The following FCHSD2 variants were observed in gnomAD, a reference collection of about 807,000 sequenced individuals.
FCHSD2 encodes the protein F-BAR and double SH3 domains protein 2.
In FCHSD2, 38 loss-of-function variants were observed where a neutral mutation model predicts 108.1. That is an observed-to-expected ratio of 0.35 (90% CI 0.27 to 0.46). The LOEUF (loss-of-function observed/expected upper bound fraction) is 0.46, where lower values mean the gene tolerates loss of function less well. Ranked by LOEUF, FCHSD2 falls within the 20% of genes least tolerant of loss-of-function variation. The pLI, the probability that FCHSD2 is intolerant of heterozygous loss-of-function variation, is 1.00. For missense variants in FCHSD2, 751 were observed against 897.8 expected, an observed-to-expected ratio of 0.84 and a Z score of 2.09; for synonymous variants, 279 against 314.7, an observed-to-expected ratio of 0.89 and a Z score of 1.20.
chr11:73,117,962 A>C (rs182064182), intron 2 of FCHSD2, among the ~76,000 whole-genome samples: 1 of 152,338 alleles, frequency 6.6e-6, no homozygotes, highest in East Asian at 1.9e-4. Context: ...CACACATATT[A>C]TATATACATT....
intron 12 of FCHSD2, among the ~76,000 whole-genome samples, chr11:72,874,635 C>T (rs571990935): frequency 3.3e-5 from 5 of 152,326 alleles, no homozygotes; most frequent in Non-Finnish European, 5.9e-5. Flanking sequence ...ATTCTATTTT[C>T]TCAAAGCAGT....
At chr11:73,025,775 A>C (rs1858213741) in intron 3 of FCHSD2, among the ~76,000 whole-genome samples, 1 of 152,140 alleles carries the variant, frequency 6.6e-6, no homozygotes, top group African/African-American at 2.4e-5. Context: ...ATGACTAAGA[A>C]TTTTTTTAAA....
chr11:73,052,475 T>C (rs1457898350), intron 3 of FCHSD2, among the ~76,000 whole-genome samples: 1 of 152,156 alleles, frequency 6.6e-6, no homozygotes, highest in Non-Finnish European at 1.5e-5. Flanking sequence ...AATTGTGAAT[T>C]ACTTAAAGGC....
intron 3 of FCHSD2, among the ~76,000 whole-genome samples, chr11:73,056,940 G>A (rs536183104): frequency 1.3e-5 from 2 of 152,066 alleles, no homozygotes; most frequent in African/African-American, 4.8e-5. Context: ...AAAATTAGCC[G>A]GGCATGGTGG....
intron 8 of FCHSD2, among the ~76,000 whole-genome samples, chr11:72,924,129 T>A (rs930009183): frequency 1.1e-4 from 16 of 152,244 alleles, no homozygotes; most frequent in Non-Finnish European, 1.9e-4. Context: ...AAAAAAGTGA[T>A]AAGGTCTTGT....
chr11:73,028,117 C>T (rs116356495), intron 3 of FCHSD2, among the ~76,000 whole-genome samples: 1 of 152,178 alleles, frequency 6.6e-6, no homozygotes, highest in African/African-American at 2.4e-5. Context: ...GCACTGCCTA[C>T]TGGAGGGGTG....
At chr11:72,909,836 C>G (rs1855719226) in intron 9 of FCHSD2, among the ~76,000 whole-genome samples, 1 of 146,374 alleles carries the variant, frequency 6.8e-6, no homozygotes, top group African/African-American at 2.5e-5. Flanking sequence ...CTCTGCCCGG[C>G]AGCCGCCCCA....
chr11:72,912,551 T>C (rs1855785068), intron 9 of FCHSD2, among the ~76,000 whole-genome samples: 1 of 152,196 alleles, frequency 6.6e-6, no homozygotes, highest in Non-Finnish European at 1.5e-5. Flanking sequence ...ATTTTTGCAT[T>C]AATGTTCATC....
intron 13 of FCHSD2, among the ~76,000 whole-genome samples, chr11:72,858,191 C>A (rs1861475002): frequency 6.6e-6 from 1 of 152,320 alleles, no homozygotes; most frequent in Admixed American, 6.5e-5. Context: ...CTAATAGAAT[C>A]TCTCAACTCC....
chr11:73,006,401 T>G (rs751421751), intron 4 of FCHSD2, among the ~76,000 whole-genome samples: 2 of 152,238 alleles, frequency 1.3e-5, no homozygotes, highest in Non-Finnish European at 2.9e-5. Context: ...CTTCTAGTAG[T>G]TGGCTCAAAC....
chr11:73,128,928 G>A (rs542101962), intron 2 of FCHSD2, among the ~76,000 whole-genome samples: 1 of 152,160 alleles, frequency 6.6e-6, no homozygotes, highest in Non-Finnish European at 1.5e-5. Flanking sequence ...CTGGAGTGTA[G>A]TGGTGTGATC....
Position 73,142,060 on chromosome 11 carries a change from C to A in FCHSD2, c.-183G>T. 1.7e-6 allele frequency: 1 copy of A among 580,214 alleles called. No homozygotes were observed. Among genetic ancestry groups the A allele is most frequent in the Non-Finnish European group, 3.0e-6 (1 of 333,108 alleles). 35.9% of individuals were successfully genotyped at this position (580,214 alleles called of 1,614,324 possible). A position where few individuals can be genotyped will look rare whatever the true frequency, so the allele number is the denominator to read the frequency against. Reference sequence around the variant, plus strand: ...CGGCAGGCGGACCCCAGCCAGAGAGCGAGTGTGAGGAGACGAGGGAGGAGC... The same window carrying A: ...CGGCAGGCGGACCCCAGCCAGAGAGAGAGTGTGAGGAGACGAGGGAGGAGC... On this transcript the variant is annotated 5_prime_UTR_variant, in exon 1 of 20. Coordinates refer to ENST00000409418, the MANE Select transcript of FCHSD2 (RefSeq NM_014824.3).
chr11:72,842,569 G>C, intron 17 of FCHSD2, 52 bp downstream of exon 17: 1 of 1,608,344 alleles, frequency 6.2e-7, no homozygotes. Flanking sequence ...GACCCTTTGG[G>C]AGCAATTTTC....
chr11:73,031,446 G>A (rs1468423963), intron 3 of FCHSD2, among the ~76,000 whole-genome samples: 1 of 152,018 alleles, frequency 6.6e-6, no homozygotes, highest in Non-Finnish European at 1.5e-5. Context: ...ACTCCAGCCT[G>A]GGTGACAGAA....
intron 8 of FCHSD2, among the ~76,000 whole-genome samples, chr11:72,944,856 C>A (rs1195348994): frequency 6.6e-6 from 1 of 152,096 alleles, no homozygotes; most frequent in Non-Finnish European, 1.5e-5. Context: ...ATGTGAAGGA[C>A]CTCTTCAAGG....
chr11:73,091,165 T>C (rs781457259), intron 2 of FCHSD2, among the ~76,000 whole-genome samples: 3 of 152,250 alleles, frequency 2.0e-5, no homozygotes, highest in African/African-American at 4.8e-5. Context: ...CATTCATTTA[T>C]TGATAGACAT....
At chr11:73,104,809 C>T (rs564696286) in intron 2 of FCHSD2, among the ~76,000 whole-genome samples, 4 of 152,256 alleles carry the variant, frequency 2.6e-5, no homozygotes, top group East Asian at 3.9e-4. Context: ...CTCAGTGATC[C>T]GGCCTCCCAA....
At chr11:72,995,734 T>C (rs1857508628) in intron 5 of FCHSD2, among the ~76,000 whole-genome samples, 1 of 148,086 alleles carries the variant, frequency 6.8e-6, no homozygotes, top group Non-Finnish European at 1.5e-5. Context: ...AGGAAGAAGT[T>C]AAAAGTATAG....
intron 13 of FCHSD2, among the ~76,000 whole-genome samples, chr11:72,850,263 C>G (rs146834357): frequency 6.6e-6 from 1 of 152,076 alleles, no homozygotes; most frequent in East Asian, 1.9e-4. Context: ...TGGGGTTTCA[C>G]CATGTTGGCC....
Sources: allele counts gnomAD v4.1 joint callset (sites outside exome capture counted in the v4.1 genomes callset), GRCh38; gene constraint gnomAD v4.1.1; transcripts MANE v1.5; gene names NCBI Gene and HGNC (gene_info 2026-07-23, HGNC 2026-07-21).